The following TMEM132B variants were observed in gnomAD, a reference collection of about 807,000 sequenced individuals.
The protein encoded by TMEM132B is transmembrane protein 132B.
In TMEM132B, 18 loss-of-function variants were observed where a neutral mutation model predicts 90.8. The observed-to-expected ratio is 0.20, with a 90% CI of 0.14 to 0.29. TMEM132B has a LOEUF of 0.29. Among genes scored for constraint, TMEM132B ranks in the 10% least tolerant of loss-of-function variants. The pLI, the probability that TMEM132B is intolerant of heterozygous loss-of-function variation, is 1.00. For synonymous variants in TMEM132B, 504 were observed against 523.3 expected, an observed-to-expected ratio of 0.96 and a Z score of 0.50; for missense variants, 1,096 against 1,326.8, an observed-to-expected ratio of 0.83 and a Z score of 2.70.
intron 5 of TMEM132B, among the ~76,000 whole-genome samples, chr12:125,595,871 C>CTTT (rs35903934): frequency 4.4e-4 from 65 of 146,168 alleles, no homozygotes; most frequent in African/African-American, 1.6e-3. Context: ...CTCAGGGCGG[C>CTTT]TTTTTTTTTT....
intron 3 of TMEM132B, among the ~76,000 whole-genome samples, chr12:125,507,667 A>G (rs544442487): frequency 1.3e-5 from 2 of 152,292 alleles, no homozygotes; most frequent in Admixed American, 6.5e-5. Flanking sequence ...TGGCTCAGGC[A>G]GAATGAGCAG....
intron 5 of TMEM132B, among the ~76,000 whole-genome samples, chr12:125,599,275 C>T (rs150668772): frequency 1.0e-3 from 152 of 152,324 alleles, no homozygotes; most frequent in African/African-American, 3.4e-3. Context: ...GCCTTTGCTC[C>T]TTCTTCACCT....
intron 1 of TMEM132B, among the ~76,000 whole-genome samples, chr12:125,341,449 GATGATA>G (rs1035162855): frequency 6.6e-6 from 1 of 152,214 alleles, no homozygotes; most frequent in African/African-American, 2.4e-5. Context: ...TATAAATGAT[GATGATA>G]ATGATAATTC....
intron 3 of TMEM132B, among the ~76,000 whole-genome samples, chr12:125,450,505 G>A (rs1319898602): frequency 1.3e-5 from 2 of 152,152 alleles, no homozygotes; most frequent in Admixed American, 6.5e-5. Context: ...AATAAATCGT[G>A]ATAGGAGAGT....
intron 5 of TMEM132B, among the ~76,000 whole-genome samples, chr12:125,611,772 T>C (rs1885833448): frequency 6.6e-6 from 1 of 152,168 alleles, no homozygotes; most frequent in Admixed American, 6.5e-5. Flanking sequence ...GACAACATTA[T>C]TGGTATGATT....
At chr12:125,462,570 T>G (rs1881464907) in intron 3 of TMEM132B, among the ~76,000 whole-genome samples, 2 of 152,190 alleles carry the variant, frequency 1.3e-5, no homozygotes, top group Admixed American at 1.3e-4. Context: ...CTTTTCTGAA[T>G]AGGTGACGTC....
At chr12:125,614,272 C>T (rs1443064920) in intron 5 of TMEM132B, among the ~76,000 whole-genome samples, 1 of 152,158 alleles carries the variant, frequency 6.6e-6, no homozygotes, top group Non-Finnish European at 1.5e-5. Context: ...TCCTCTCACC[C>T]TCTACTCTAT....
intron 3 of TMEM132B, among the ~76,000 whole-genome samples, chr12:125,450,502 C>T (rs910958959): frequency 1.5e-4 from 23 of 152,056 alleles, no homozygotes; most frequent in Admixed American, 3.9e-4. Context: ...ATAAATAAAT[C>T]GTGATAGGAG....
intron 3 of TMEM132B, among the ~76,000 whole-genome samples, chr12:125,499,449 A>G (rs555441619): frequency 4.7e-4 from 71 of 152,354 alleles, no homozygotes; most frequent in Admixed American, 3.2e-3. Context: ...GAATGAGCCA[A>G]CAGCGCGTGA....
At chr12:125,430,629 C>T (rs1013568123) in intron 3 of TMEM132B, among the ~76,000 whole-genome samples, 9 of 152,112 alleles carry the variant, frequency 5.9e-5, no homozygotes, top group South Asian at 2.1e-4. Context: ...CAGGTCTTCA[C>T]GACGGTCATC....
intron 1 of TMEM132B, among the ~76,000 whole-genome samples, chr12:125,261,057 G>T (rs1874556618): frequency 6.6e-6 from 1 of 152,116 alleles, no homozygotes; most frequent in African/African-American, 2.4e-5. Flanking sequence ...GTGCACACTG[G>T]TTGTGTTTAC....
intron 6 of TMEM132B, among the ~76,000 whole-genome samples, chr12:125,650,240 G>C (rs924067376): frequency 1.3e-5 from 2 of 152,108 alleles, no homozygotes; most frequent in African/African-American, 4.8e-5. Flanking sequence ...AAAGGGGCCA[G>C]CTGTTCCTAT....
intron 1 of TMEM132B, among the ~76,000 whole-genome samples, chr12:125,250,540 T>G (rs753137127): frequency 6.6e-6 from 1 of 152,186 alleles, no homozygotes; most frequent in Non-Finnish European, 1.5e-5. Context: ...GTCTCCAGCA[T>G]GGAAACTTCG....
At chr12:125,585,802 C>T (rs772800846) in intron 5 of TMEM132B, 2 of 152,216 alleles carry the variant, frequency 1.3e-5, no homozygotes, top group Non-Finnish European at 2.9e-5. Flanking sequence ...TATATAGCCT[C>T]AGGAGGATGG....
chr12:125,651,780 G>T (rs1229164398), intron 7 of TMEM132B, among the ~76,000 whole-genome samples: 1 of 152,162 alleles, frequency 6.6e-6, no homozygotes, highest in African/African-American at 2.4e-5. Flanking sequence ...GAAAGGCTTG[G>T]CTTCCAAGCT....
chr12:125,636,296 T>C (rs1000958101), intron 5 of TMEM132B, among the ~76,000 whole-genome samples: 1 of 151,744 alleles, frequency 6.6e-6, no homozygotes, highest in African/African-American at 2.4e-5. Flanking sequence ...GAAATTCCTT[T>C]AGTGATTCCT....
At chr12:125,473,910 T>C (rs138113785) in intron 3 of TMEM132B, among the ~76,000 whole-genome samples, 1,869 of 152,252 alleles carry the variant, frequency 0.012, 17 homozygotes, top group Middle Eastern at 0.044. Context: ...TTCTTCTTTT[T>C]GTTAGCTTCA....
intron 1 of TMEM132B, among the ~76,000 whole-genome samples, chr12:125,250,290 C>T (rs368007320): frequency 6.6e-6 from 1 of 152,244 alleles, no homozygotes; most frequent in Admixed American, 6.5e-5. Flanking sequence ...AAAACTGGCT[C>T]ATTTACCTGC....
At position 125,528,104 on chromosome 12, in the gene TMEM132B, C is replaced by T. The variant is rs1045401922; in HGVS notation, c.1293+8479C>T. ...CTGTATCGTCTTTTTGCCCCCTCTC[C>T]GTGGCTAAGAAATGCTAACAAATGT... is the stretch of plus-strand genomic sequence containing the variant. On this transcript the variant is annotated intron_variant, in intron 4 of 8. Transcript: ENST00000682704. Among the ~76,000 whole-genome samples the T allele has an allele frequency of 1.1e-4, 17 of 152,004 alleles. No homozygotes were observed. The East Asian group carries it at 1.9e-3, about 17-fold the overall frequency.
Sources: allele counts gnomAD v4.1 joint callset (sites outside exome capture counted in the v4.1 genomes callset), GRCh38; gene constraint gnomAD v4.1.1; transcripts MANE v1.5; gene names NCBI Gene and HGNC (gene_info 2026-07-23, HGNC 2026-07-21).